The following ESRRG variants were observed in gnomAD, a reference collection of about 807,000 sequenced individuals.
ESRRG encodes the protein estrogen-related receptor gamma.
In ESRRG, 13 loss-of-function variants were observed where a neutral mutation model predicts 44.0. The observed-to-expected ratio is 0.30, with a 90% CI of 0.19 to 0.47. The LOEUF is 0.47. Among genes scored for constraint, ESRRG ranks in the 20% least tolerant of loss-of-function variants. ESRRG has a pLI of 1.00. For synonymous variants in ESRRG, 215 were observed against 214.6 expected, an observed-to-expected ratio of 1.00 and a Z score of -0.02; for missense variants, 395 against 580.6, an observed-to-expected ratio of 0.68 and a Z score of 3.29.
chr1:216,862,523 C>T (rs2096070450), intron 2 of ESRRG: 1 of 152,114 alleles, frequency 6.6e-6, no homozygotes, highest in Admixed American at 6.6e-5. Context: ...TTAATAAACA[C>T]ATCGTAGCTT....
chr1:216,697,891 C>A (rs994524456), intron 1 of ESRRG, among the ~76,000 whole-genome samples: 4 of 152,156 alleles, frequency 2.6e-5, no homozygotes, highest in Admixed American at 6.5e-5. Flanking sequence ...AAAATGACTA[C>A]TATGAATAAA....
intron 1 of ESRRG, among the ~76,000 whole-genome samples, chr1:216,711,754 G>A (rs891959831): frequency 1.9e-4 from 29 of 151,040 alleles, no homozygotes; most frequent in Non-Finnish European, 2.9e-4. Flanking sequence ...AATATACTTG[G>A]TATAATTGTA....
chr1:216,665,725 G>C (rs10442689), intron 2 of ESRRG, among the ~76,000 whole-genome samples: 122,319 of 152,110 alleles, frequency 0.8, 49,235 homozygotes, highest in Admixed American at 0.83. Flanking sequence ...TTAAATGTCA[G>C]TTCTTTTAAA....
At chr1:217,103,336 C>T (rs2092545711) in intron 1 of ESRRG, among the ~76,000 whole-genome samples, 1 of 151,962 alleles carries the variant, frequency 6.6e-6, no homozygotes, top group Non-Finnish European at 1.5e-5. Flanking sequence ...AGACTTCCTG[C>T]TCAATGAGCA....
At chr1:217,119,361 G>A (rs556035585) in intron 1 of ESRRG, among the ~76,000 whole-genome samples, 28 of 152,250 alleles carry the variant, frequency 1.8e-4, no homozygotes, top group African/African-American at 6.7e-4. Flanking sequence ...AGAAACAGTG[G>A]TAGCTCTTCA....
chr1:216,707,951 A>G (rs1575581590), intron 1 of ESRRG, among the ~76,000 whole-genome samples: 1 of 152,212 alleles, frequency 6.6e-6, no homozygotes, highest in Non-Finnish European at 1.5e-5. Context: ...ATTACTGTAC[A>G]TAATGGAGGA....
intron 1 of ESRRG, among the ~76,000 whole-genome samples, chr1:217,015,731 A>ATT (rs11347206): frequency 0.015 from 2,134 of 142,112 alleles, 47 homozygotes; most frequent in African/African-American, 0.052. Context: ...GGGCAGCTAG[A>ATT]TTTTTTTTTT....
intron 1 of ESRRG, among the ~76,000 whole-genome samples, chr1:217,073,666 A>G (rs551786931): frequency 2.1e-4 from 32 of 152,272 alleles, no homozygotes; most frequent in Non-Finnish European, 4.0e-4. Flanking sequence ...CTGATTCACA[A>G]GTAAAAATGA....
At chr1:216,900,408 T>C (rs1015924751) in intron 2 of ESRRG, among the ~76,000 whole-genome samples, 2 of 152,212 alleles carry the variant, frequency 1.3e-5, no homozygotes, top group Admixed American at 6.5e-5. Context: ...CCCACTCATG[T>C]TGGTGTTCAG....
At chr1:216,605,891 A>G (rs952891037) in intron 3 of ESRRG, among the ~76,000 whole-genome samples, 1 of 147,484 alleles carries the variant, frequency 6.8e-6, no homozygotes, top group African/African-American at 2.5e-5. Context: ...AAAAAAAAAG[A>G]CCCTTCTGAA....
In ESRRG at chr1:216,551,099, C is replaced by T. The variant is rs116403967; in HGVS notation, c.862+13120G>A. 2.0e-3 allele frequency among the ~76,000 whole-genome samples: 311 copies of T among 152,150 alleles called. 2 individuals carry two copies. Among genetic ancestry groups the T allele is most frequent in the African/African-American group, 6.7e-3 (279 of 41,524 alleles). On this transcript the variant is annotated intron_variant, in intron 5 of 6. Coordinates refer to ENST00000408911, the MANE Select transcript of ESRRG (RefSeq NM_001438.4). ...GACAGAAGAATTAAAATTATGATCA[C>T]GAATAGGCTGCAGAACAACAGTCTT...
At chr1:216,587,719 C>T (rs2149929524) in intron 3 of ESRRG, among the ~76,000 whole-genome samples, 1 of 152,262 alleles carries the variant, frequency 6.6e-6, no homozygotes, top group East Asian at 1.9e-4. Context: ...GGAAAAGAAT[C>T]TGCAAGGAAA....
chr1:216,744,988 G>A (rs1008580815), intron 2 of ESRRG, among the ~76,000 whole-genome samples: 2 of 152,146 alleles, frequency 1.3e-5, no homozygotes, highest in African/African-American at 4.8e-5. Flanking sequence ...AGAGTCTAAA[G>A]TTCCTCAAGA....
At chr1:216,854,300 T>G (rs2095885453) in intron 2 of ESRRG, among the ~76,000 whole-genome samples, 1 of 129,062 alleles carries the variant, frequency 7.7e-6, no homozygotes, top group South Asian at 2.3e-4. Context: ...GAAGTTGCAG[T>G]GAGTCGAGAT....
chr1:217,041,008 T>C (rs868173109), intron 1 of ESRRG, among the ~76,000 whole-genome samples: 50 of 152,304 alleles, frequency 3.3e-4, no homozygotes, highest in African/African-American at 1.0e-3. Context: ...CAGTTACTCC[T>C]TTTTTACATT....
intron 2 of ESRRG, among the ~76,000 whole-genome samples, chr1:216,858,007 C>A (rs753182698): frequency 9.9e-5 from 15 of 152,130 alleles, no homozygotes; most frequent in East Asian, 1.9e-4. Flanking sequence ...AATCTTGTAA[C>A]CTCTCTGAGC....
chr1:217,043,022 G>T (rs2084161965), intron 1 of ESRRG, among the ~76,000 whole-genome samples: 1 of 152,112 alleles, frequency 6.6e-6, no homozygotes, highest in Non-Finnish European at 1.5e-5. Flanking sequence ...ATGTTAAAAT[G>T]CATTCTCATA....
intron 3 of ESRRG, among the ~76,000 whole-genome samples, chr1:216,580,868 C>T (rs2062636473): frequency 6.6e-6 from 1 of 152,206 alleles, no homozygotes; most frequent in African/African-American, 2.4e-5. Context: ...CTTTCTGGCA[C>T]AGGTTTTAGC....
chr1:217,098,010 G>C (rs956443763), intron 1 of ESRRG, among the ~76,000 whole-genome samples: 3 of 152,130 alleles, frequency 2.0e-5, no homozygotes, highest in Non-Finnish European at 4.4e-5. Flanking sequence ...CAATAGTATT[G>C]CTTTACAATC....
Sources: allele counts gnomAD v4.1 joint callset (sites outside exome capture counted in the v4.1 genomes callset), GRCh38; gene constraint gnomAD v4.1.1; transcripts MANE v1.5; gene names NCBI Gene and HGNC (gene_info 2026-07-23, HGNC 2026-07-21).